EXD1: variants seen among roughly 807,000 people sequenced by gnomAD.
EXD1 encodes piRNA biogenesis protein EXD1.
In EXD1, 63 loss-of-function variants were observed where a neutral mutation model predicts 49.1. That is an observed-to-expected ratio of 1.28 (90% CI 1.05 to 1.58). EXD1 has a LOEUF of 1.58. EXD1 is among the 40% of genes most tolerant of loss of function. EXD1 has a pLI of 0.00. For synonymous variants in EXD1, 234 were observed against 239.2 expected, an observed-to-expected ratio of 0.98 and a Z score of 0.20; for missense variants, 748 against 666.0, an observed-to-expected ratio of 1.12 and a Z score of -1.36.
chr15:41,222,099 CG>C (rs2047097245), intron 2 of EXD1, among the ~76,000 whole-genome samples: 1 of 150,162 alleles, frequency 6.7e-6, no homozygotes. Context: ...GACTCCGTCT[CG>C]GAAAAAAAAA....
intron 9 of EXD1, among the ~76,000 whole-genome samples, chr15:41,195,211 A>G (rs951844538): frequency 6.7e-6 from 1 of 150,148 alleles, no homozygotes; most frequent in African/African-American, 2.4e-5. Flanking sequence ...ACACAGTAAG[A>G]CTCCACTTCT....
intron 9 of EXD1, among the ~76,000 whole-genome samples, chr15:41,192,946 G>A (rs1036893727): frequency 2.6e-5 from 4 of 151,704 alleles, no homozygotes; most frequent in African/African-American, 7.3e-5. Context: ...ACAGGCGCCC[G>A]CCACCACGCC....
chr15:41,195,744 T>C, intron 9 of EXD1, 31 bp downstream of exon 9: 7 of 1,584,480 alleles, frequency 4.4e-6, no homozygotes, highest in Non-Finnish European at 5.2e-6. Context: ...CTGTATATAC[T>C]GGTTTGAATC....
At chr15:41,207,351 G>A (rs2046848084) in intron 7 of EXD1, among the ~76,000 whole-genome samples, 1 of 151,984 alleles carries the variant, frequency 6.6e-6, no homozygotes, top group African/African-American at 2.4e-5. Context: ...AGACCAGCCT[G>A]ACCAAAATGG....
At chr15:41,220,396 G>A (rs555364030) in intron 2 of EXD1, among the ~76,000 whole-genome samples, 3 of 151,754 alleles carry the variant, frequency 2.0e-5, no homozygotes, top group Non-Finnish European at 2.9e-5. Context: ...TCAGCCTCCC[G>A]AGTAGCTCGG....
chr15:41,184,066 G>A lies in EXD1; in HGVS notation c.1584C>T (p.Ser528=). The stretch of plus-strand genomic sequence containing the variant: ...GAGACACTCTGGTTTCCTGAGGAAA[G>A]GAAGACATTGAAACAGCCTGTTTTG... ...KCTKQAVSMS[S]FPQETRVSPS... The change falls in exon 12 of 12, where the codon TCC becomes TCT. Residue 528 remains serine, a synonymous_variant. Coordinates refer to ENST00000458580, the MANE Select transcript of EXD1 (RefSeq NM_001286441.2). 6.2e-7 allele frequency: 1 copy of A among 1,614,196 alleles called. No homozygotes were observed. Among genetic ancestry groups the A allele is most frequent in the Non-Finnish European group, 8.5e-7 (1 of 1,180,038 alleles).
chr15:41,190,217 G>A (rs766502505), intron 10 of EXD1, 89 bp from the exon 11 acceptor site: 9 of 1,371,908 alleles, frequency 6.6e-6, no homozygotes, highest in South Asian at 1.2e-5. Flanking sequence ...GCTCATGCCT[G>A]TAATCCCAGC....
chr15:41,205,992 G>A (rs939732945), intron 7 of EXD1, among the ~76,000 whole-genome samples: 1 of 149,016 alleles, frequency 6.7e-6, no homozygotes, highest in African/African-American at 2.5e-5. Context: ...CAATTCTCCT[G>A]CCTCAGCCTC....
intron 7 of EXD1, among the ~76,000 whole-genome samples, chr15:41,209,106 G>A (rs140823177): frequency 7.9e-5 from 12 of 152,256 alleles, no homozygotes; most frequent in African/African-American, 2.9e-4. Context: ...TGACACTAGG[G>A]TGACAGAAAG....
intron 3 of EXD1, 123 bp from the exon 4 acceptor site, chr15:41,217,277 T>A (rs575082607): frequency 5.2e-6 from 4 of 766,016 alleles, no homozygotes; most frequent in Non-Finnish European, 8.5e-6. Flanking sequence ...GACATGTTAG[T>A]CCACGGAGGC....
At chr15:41,222,099 C>T (rs983935522) in intron 2 of EXD1, among the ~76,000 whole-genome samples, 2 of 150,162 alleles carry the variant, frequency 1.3e-5, no homozygotes, top group East Asian at 1.9e-4. Flanking sequence ...GACTCCGTCT[C>T]GGAAAAAAAA....
At chr15:41,212,402 C>T (rs888533927) in intron 6 of EXD1, among the ~76,000 whole-genome samples, 14 of 152,086 alleles carry the variant, frequency 9.2e-5, no homozygotes, top group African/African-American at 3.1e-4. Flanking sequence ...TTGCAGTGAG[C>T]CGAGATGGTG....
chr15:41,220,348 G>C (rs2047068723), intron 2 of EXD1, among the ~76,000 whole-genome samples: 1 of 151,394 alleles, frequency 6.6e-6, no homozygotes, highest in Non-Finnish European at 1.5e-5. Context: ...TCGGCTCACT[G>C]CAACTTCCGC....
intron 10 of EXD1, 111 bp downstream of exon 10, chr15:41,191,331 T>C: frequency 1.0e-6 from 1 of 988,430 alleles, no homozygotes; most frequent in Non-Finnish European, 1.5e-6. Context: ...ATTTTGGCAA[T>C]GTTCATATGA....
At chr15:41,216,334 G>A (rs1490313607) in intron 5 of EXD1, among the ~76,000 whole-genome samples, 1 of 150,160 alleles carries the variant, frequency 6.7e-6, no homozygotes, top group Non-Finnish European at 1.5e-5. Flanking sequence ...AGAGAGCCTA[G>A]AAAATTCAGA....
chr15:41,209,400 A>C, intron 7 of EXD1, 101 bp downstream of exon 7: 1 of 971,398 alleles, frequency 1.0e-6, no homozygotes, highest in Non-Finnish European at 1.6e-6. Context: ...ACAGAGTGAG[A>C]TCCCATCTCT....
At chr15:41,192,683 T>C (rs1275975281) in intron 9 of EXD1, among the ~76,000 whole-genome samples, 1 of 142,934 alleles carries the variant, frequency 7.0e-6, no homozygotes, top group East Asian at 2.1e-4. Context: ...GCCACAATCA[T>C]GGCTTACTGC....
Position 41,184,527 on chromosome 15 carries a change from T to C in EXD1, c.1123A>G (p.Lys375Glu), listed in dbSNP as rs762747059. 4.3e-6 allele frequency: 7 copies of C among 1,613,438 alleles called. No homozygotes were observed. Among genetic ancestry groups the C allele is most frequent in the Admixed American group, 1.7e-5 (1 of 59,784 alleles). ...TTCACCCTATATTCTCTTGCAGCTTTCTCCCTGCGCTGCTTCTGGAAGTCC... is the reference window on the plus strand; with the variant it reads ...TTCACCCTATATTCTCTTGCAGCTTCCTCCCTGCGCTGCTTCTGGAAGTCC... ...LKDFQKQRRE[K>E]AAREYRVNAQ... Residue 375 changes from lysine to glutamate, a missense_variant, in exon 12 of 12, where the codon AAA (lysine) becomes GAA (glutamate). Transcript: ENST00000458580.
At chr15:41,211,970 T>C (rs1412846817) in intron 6 of EXD1, among the ~76,000 whole-genome samples, 1 of 150,052 alleles carries the variant, frequency 6.7e-6, no homozygotes, top group Non-Finnish European at 1.5e-5. Context: ...TCTCAAAAAA[T>C]AAAAGGCAAA....
Sources: gnomAD v4.1 joint callset for allele counts (sites outside exome capture counted in the v4.1 genomes callset) on GRCh38, gnomAD v4.1.1 for gene constraint, MANE v1.5 for transcripts, NCBI Gene and HGNC (gene_info 2026-07-23, HGNC 2026-07-21) for gene names.